The following ADARB2 variants were observed in gnomAD, a reference collection of about 807,000 sequenced individuals.
ADARB2 encodes the protein adenosine deaminase RNA specific B2 (inactive), also known as inactive double-stranded RNA-specific editase B2.
ADARB2 carries 25 observed loss-of-function variants against 62.2 expected under a neutral mutation model. The ratio of observed to expected loss-of-function variants is 0.40; its 90% confidence interval spans 0.29 to 0.56. ADARB2 has a LOEUF of 0.56. Ranked by LOEUF, ADARB2 falls within the 20% of genes least tolerant of loss-of-function variation. ADARB2 has a pLI of 0.43. For missense variants in ADARB2, 1,071 were observed against 1,077.4 expected, an observed-to-expected ratio of 0.99 and a Z score of 0.08; for synonymous variants, 572 against 500.8, an observed-to-expected ratio of 1.14 and a Z score of -1.90.
intron 1 of ADARB2, among the ~76,000 whole-genome samples, chr10:1,547,045 G>GT (rs1832530969): frequency 6.6e-6 from 1 of 152,244 alleles, no homozygotes; most frequent in African/African-American, 2.4e-5. Context: ...TTCGTCGAGA[G>GT]CGGGACGCGG....
At chr10:1,531,208 A>G (rs1017640533) in intron 1 of ADARB2, among the ~76,000 whole-genome samples, 4 of 152,120 alleles carry the variant, frequency 2.6e-5, no homozygotes, top group Non-Finnish European at 5.9e-5. Flanking sequence ...CCACGGAATG[A>G]TCTAGTAAAT....
At chr10:1,581,442 G>A (rs1833097458) in intron 1 of ADARB2, among the ~76,000 whole-genome samples, 1 of 152,188 alleles carries the variant, frequency 6.6e-6, no homozygotes, top group Non-Finnish European at 1.5e-5. Flanking sequence ...AGCAGGAGGC[G>A]CAACAGTGGA....
chr10:1,276,993 C>T (rs1382819299), intron 3 of ADARB2, among the ~76,000 whole-genome samples: 1 of 152,202 alleles, frequency 6.6e-6, no homozygotes, highest in Non-Finnish European at 1.5e-5. Flanking sequence ...GAACAACCTG[C>T]TCCTGAATGA....
chr10:1,544,690 G>A (rs1832491927), intron 1 of ADARB2, among the ~76,000 whole-genome samples: 1 of 152,098 alleles, frequency 6.6e-6, no homozygotes, highest in South Asian at 2.1e-4. Context: ...GATGTGTAAT[G>A]TGTACATACA....
intron 3 of ADARB2, among the ~76,000 whole-genome samples, chr10:1,333,506 AT>A (rs1831947444): frequency 6.6e-6 from 1 of 152,064 alleles, no homozygotes; most frequent in African/African-American, 2.4e-5. Flanking sequence ...GCCCCACTTA[AT>A]TTTGAGGGTA....
intron 1 of ADARB2, among the ~76,000 whole-genome samples, chr10:1,640,602 A>G (rs1035177994): frequency 3.3e-5 from 5 of 152,184 alleles, no homozygotes; most frequent in African/African-American, 1.2e-4. Flanking sequence ...CCAGATAACA[A>G]ACTACGTAGG....
intron 1 of ADARB2, among the ~76,000 whole-genome samples, chr10:1,499,779 C>A (rs1489563175): frequency 6.6e-6 from 1 of 152,112 alleles, no homozygotes; most frequent in Non-Finnish European, 1.5e-5. Context: ...TCACTCATTA[C>A]TCACTCATCA....
intron 1 of ADARB2, among the ~76,000 whole-genome samples, chr10:1,570,704 G>A (rs1392926180): frequency 6.6e-6 from 1 of 152,204 alleles, no homozygotes; most frequent in African/African-American, 2.4e-5. Context: ...AAAGACCAAA[G>A]TGAGTCCTGC....
chr10:1,335,350 G>A (rs1286300033), intron 3 of ADARB2, among the ~76,000 whole-genome samples: 1 of 151,268 alleles, frequency 6.6e-6, no homozygotes, highest in African/African-American at 2.4e-5. Flanking sequence ...AAGAAAGGAT[G>A]AAGGGAAGGC....
chr10:1,228,495 C>T (rs1263125054), intron 6 of ADARB2, among the ~76,000 whole-genome samples: 1 of 152,220 alleles, frequency 6.6e-6, no homozygotes, highest in Non-Finnish European at 1.5e-5. Flanking sequence ...GTGCTGACAG[C>T]AGTCATTGGA....
chr10:1,489,442 T>C (rs1356613196), intron 1 of ADARB2, among the ~76,000 whole-genome samples: 7 of 152,226 alleles, frequency 4.6e-5, no homozygotes, highest in Admixed American at 2.6e-4. Flanking sequence ...GTTCTCAGTA[T>C]CCTCTGATCT....
At chr10:1,217,140 G>A in intron 6 of ADARB2, 21 bp from the exon 7 acceptor site, 1 of 1,548,604 alleles carries the variant, frequency 6.5e-7, no homozygotes. Context: ...AAAGGGCGGG[G>A]AGGGGTGAGA....
intron 1 of ADARB2, among the ~76,000 whole-genome samples, chr10:1,523,953 A>T (rs1005937489): frequency 3.3e-5 from 5 of 152,190 alleles, no homozygotes; most frequent in African/African-American, 1.2e-4. Context: ...GCATCCATCC[A>T]TCCATCCATC....
chr10:1,322,882 T>C (rs537281146), intron 3 of ADARB2, among the ~76,000 whole-genome samples: 55 of 152,326 alleles, frequency 3.6e-4, no homozygotes, highest in East Asian at 1.2e-3. Flanking sequence ...TTTCATGATG[T>C]ACATAAATAA....
intron 3 of ADARB2, among the ~76,000 whole-genome samples, chr10:1,325,203 C>A (rs1831833353): frequency 6.6e-6 from 1 of 152,202 alleles, no homozygotes; most frequent in African/African-American, 2.4e-5. Context: ...CCATGAACCT[C>A]CGTGGACACA....
intron 1 of ADARB2, among the ~76,000 whole-genome samples, chr10:1,485,773 T>G (rs1299568477): frequency 2.0e-5 from 3 of 152,210 alleles, no homozygotes; most frequent in Non-Finnish European, 4.4e-5. Flanking sequence ...TGATCCCCCA[T>G]GTTCATTCCT....
intron 4 of ADARB2, among the ~76,000 whole-genome samples, chr10:1,250,447 A>G (rs1000302585): frequency 6.6e-6 from 1 of 152,104 alleles, no homozygotes; most frequent in Non-Finnish European, 1.5e-5. Context: ...CGTTCCTGTG[A>G]GAGTTGGCTG....
intron 1 of ADARB2, among the ~76,000 whole-genome samples, chr10:1,460,689 T>C (rs1268458233): frequency 5.3e-5 from 6 of 112,924 alleles, no homozygotes; most frequent in African/African-American, 1.7e-4. Context: ...AGTTTACCTG[T>C]GTAACAAACC....
intron 3 of ADARB2, among the ~76,000 whole-genome samples, chr10:1,276,548 T>G (rs1399646340): frequency 6.6e-6 from 1 of 152,060 alleles, no homozygotes; most frequent in Non-Finnish European, 1.5e-5. Flanking sequence ...TTTCGTTGCT[T>G]TAGACATGAA....
Sources: gnomAD v4.1 joint callset for allele counts (sites outside exome capture counted in the v4.1 genomes callset) on GRCh38, gnomAD v4.1.1 for gene constraint, MANE v1.5 for transcripts, NCBI Gene and HGNC (gene_info 2026-07-23, HGNC 2026-07-21) for gene names.